The following OLFM2 variants were observed in gnomAD, a reference collection of about 807,000 sequenced individuals.
OLFM2 encodes the protein noelin-2.
A neutral mutation model predicts 43.9 loss-of-function variants in OLFM2; 20 were observed. The observed-to-expected ratio is 0.46, with a 90% CI of 0.32 to 0.66. The LOEUF is 0.66. Among genes scored for constraint, OLFM2 ranks in the 30% least tolerant of loss-of-function variants. The probability of loss-of-function intolerance (pLI) is 0.04; values close to 1 mark genes in which losing one functional copy is unlikely to be tolerated. For synonymous variants in OLFM2, 268 were observed against 278.6 expected, an observed-to-expected ratio of 0.96 and a Z score of 0.38; for missense variants, 416 against 643.6, an observed-to-expected ratio of 0.65 and a Z score of 3.83.
chr19:9,911,310 C>G (rs923893531), intron 1 of OLFM2, among the ~76,000 whole-genome samples: 1 of 152,116 alleles, frequency 6.6e-6, no homozygotes, highest in African/African-American at 2.4e-5. Context: ...ACCCTGAGTA[C>G]CTTAACATCT....
chr19:9,900,660 G>A (rs529168744), intron 1 of OLFM2, among the ~76,000 whole-genome samples: 1 of 151,858 alleles, frequency 6.6e-6, no homozygotes, highest in South Asian at 2.1e-4. Flanking sequence ...GGTGGCTGAG[G>A]CAGGAGGGTC....
chr19:9,898,780 A>G (rs908096928), intron 1 of OLFM2, among the ~76,000 whole-genome samples: 1 of 152,038 alleles, frequency 6.6e-6, no homozygotes, highest in Non-Finnish European at 1.5e-5. Context: ...GCAAGTGCTG[A>G]CGGCTCTGCT....
chr19:9,865,972 A>G (rs552119084), intron 1 of OLFM2, among the ~76,000 whole-genome samples: 70 of 152,268 alleles, frequency 4.6e-4, no homozygotes, highest in African/African-American at 1.6e-3. Flanking sequence ...CGTAATTAAC[A>G]TCTTCCTACA....
Position 9,853,872 on chromosome 19 carries a change from G to C in OLFM2, c.*314C>G. ...GGGAAGCAAGGAGGGAGGGGTGGAA[G>C]GACAGAGAGAGAGAGACAGAGAGAG... On this transcript the variant is annotated 3_prime_UTR_variant, in exon 6 of 6. Transcript: ENST00000264833. 1 of 532,552 alleles carries C rather than the reference G, an allele frequency of 1.9e-6. No individual in the cohort carries two copies. The highest frequency in any genetic ancestry group is 3.3e-6 in the Non-Finnish European group (1 of 305,104). The allele number at this position is 532,552 out of a possible 1,614,324, so 33.0% of individuals were successfully genotyped here.
chr19:9,857,513 C>CA lies in OLFM2; in HGVS notation c.361-32_361-31insT. The CA allele has an allele frequency of 1.2e-6, 2 of 1,608,140 alleles. No homozygotes were observed. The highest frequency in any genetic ancestry group is 1.7e-6 in the Non-Finnish European group (2 of 1,177,078). On this transcript the variant is annotated intron_variant, in intron 3 of 5. Coordinates refer to ENST00000264833, the MANE Select transcript of OLFM2 (RefSeq NM_058164.4). The surrounding 1 kb of genome is among the most constrained non-coding windows in gnomAD (Gnocchi z 5.7). ...CATCAAGATGGAACCATGGCCAAGC[C>CA]TGACCCCTGGCCTTTGACCCAGACA...
rs537612063 is a variant in OLFM2 at position 9,895,785 on chromosome 19, G to A, written c.64-34991C>T. Among the ~76,000 whole-genome samples the A allele has an allele frequency of 2.0e-5, 3 of 152,136 alleles. No individual in the cohort carries two copies. The South Asian group carries it at 6.2e-4, about 32-fold the overall frequency. ...TGAGTAGCTGGGATTACAGGCCCAC[G>A]CCACCACACCTGGCTAATTTTTGTA... On this transcript the variant is annotated intron_variant, in intron 1 of 5. Coordinates refer to ENST00000264833, the MANE Select transcript of OLFM2 (RefSeq NM_058164.4).
At chr19:9,906,436 C>T (rs912234932) in intron 1 of OLFM2, among the ~76,000 whole-genome samples, 2 of 152,078 alleles carry the variant, frequency 1.3e-5, no homozygotes, top group Non-Finnish European at 2.9e-5. Flanking sequence ...GTGTCTCTGG[C>T]CCCTGAGTAT....
Position 9,926,553 on chromosome 19 carries a change from A to AAAAT in OLFM2, c.63+9747_63+9750dup, listed in dbSNP as rs530932117. 1.0e-3 allele frequency among the ~76,000 whole-genome samples: 151 copies of AAAAT among 151,482 alleles called. 2 individuals carry two copies. Among genetic ancestry groups the AAAAT allele is most frequent in the African/African-American group, 2.9e-3 (117 of 40,882 alleles). On this transcript the variant is annotated intron_variant, in intron 1 of 5. Coordinates refer to ENST00000264833, the MANE Select transcript of OLFM2 (RefSeq NM_058164.4). ...GGACAGAGAGCGAGACTCCATCTCA[A>AAAAT]AAATAAATAAATAAATAAATAAATG...
chr19:9,883,163 C>T (rs1418833202), intron 1 of OLFM2, among the ~76,000 whole-genome samples: 2 of 149,944 alleles, frequency 1.3e-5, no homozygotes, highest in African/African-American at 4.9e-5. Context: ...GAGCCGAGAT[C>T]GCACCACTGA....
At chr19:9,874,672 G>A (rs1446674150) in intron 1 of OLFM2, among the ~76,000 whole-genome samples, 1 of 152,026 alleles carries the variant, frequency 6.6e-6, no homozygotes, top group African/African-American at 2.4e-5. Context: ...GTAGAGATGG[G>A]GTTTCACCAT....
intron 1 of OLFM2, among the ~76,000 whole-genome samples, chr19:9,881,298 T>C (rs2145454652): frequency 6.6e-6 from 1 of 152,260 alleles, no homozygotes; most frequent in East Asian, 1.9e-4. Context: ...GGAATCCCTT[T>C]TGAAGGAACT....
chr19:9,868,904 C>G (rs935689372), intron 1 of OLFM2, among the ~76,000 whole-genome samples: 2 of 151,722 alleles, frequency 1.3e-5, no homozygotes, highest in African/African-American at 4.8e-5. Flanking sequence ...CCACTACACT[C>G]CAGCCTGCGT....
intron 1 of OLFM2, among the ~76,000 whole-genome samples, chr19:9,883,036 TAA>T (rs34606062): frequency 0.026 from 3,781 of 145,604 alleles, 133 homozygotes; most frequent in African/African-American, 0.084. Context: ...CCATCTCTAC[TAA>T]AAAAAAAAAA....
chr19:9,867,298 G>T (rs935362525), intron 1 of OLFM2, among the ~76,000 whole-genome samples: 3 of 152,188 alleles, frequency 2.0e-5, no homozygotes, highest in African/African-American at 7.2e-5. Context: ...TTGAACCCAG[G>T]AGGCAGAGGT....
intron 1 of OLFM2, among the ~76,000 whole-genome samples, chr19:9,878,031 T>G (rs1293325073): frequency 6.6e-6 from 1 of 152,014 alleles, no homozygotes; most frequent in African/African-American, 2.4e-5. Flanking sequence ...AAAAAATCTG[T>G]GTAGTCATGG....
Position 9,936,467 on chromosome 19 carries a change from C to T in OLFM2, c.-101G>A, listed in dbSNP as rs1301090019. 1.2e-6 allele frequency: 1 copy of T among 860,652 alleles called. No individual in the cohort carries two copies. The highest frequency in any genetic ancestry group is 1.4e-6 in the Non-Finnish European group (1 of 714,284). The allele number at this position is 860,652 out of a possible 1,614,324, so 53.3% of individuals were successfully genotyped here. ...GACCCCGCCCGCCCGGCCGGGGCGA[C>T]CCTGCGCCGCCGCCTCCCCCGCCTC... On this transcript the variant is annotated 5_prime_UTR_variant, in exon 1 of 6. Coordinates refer to ENST00000264833, the MANE Select transcript of OLFM2 (RefSeq NM_058164.4).
Position 9,912,145 on chromosome 19 carries a change from C to G in OLFM2, c.63+24159G>C, listed in dbSNP as rs553115566. On this transcript the variant is annotated intron_variant, in intron 1 of 5. Coordinates refer to ENST00000264833, the MANE Select transcript of OLFM2 (RefSeq NM_058164.4). The stretch of plus-strand genomic sequence containing the variant: ...ACCGAAACACACACATATAGACACA[C>G]CAGGACATACCCAAATAATAAACAC... Among the ~76,000 whole-genome samples the G allele has an allele frequency of 2.5e-3, 377 of 152,204 alleles. 2 individuals are homozygous for G. Among genetic ancestry groups the G allele is most frequent in the Non-Finnish European group, 4.1e-3 (281 of 68,014 alleles).
intron 1 of OLFM2, among the ~76,000 whole-genome samples, chr19:9,926,556 A>G (rs773054142): frequency 3.2e-4 from 48 of 150,620 alleles, no homozygotes; most frequent in Non-Finnish European, 6.2e-4. Flanking sequence ...CATCTCAAAA[A>G]TAAATAAATA....
intron 1 of OLFM2, among the ~76,000 whole-genome samples, chr19:9,930,073 C>T (rs1599505756): frequency 6.6e-6 from 1 of 152,020 alleles, no homozygotes. Context: ...GAAATCCACA[C>T]ATACCATATG....
Sources: gnomAD v4.1 joint callset for allele counts (sites outside exome capture counted in the v4.1 genomes callset) on GRCh38, gnomAD v4.1.1 for gene constraint, Gnocchi (gnomAD v3.1) non-coding constraint, MANE v1.5 for transcripts, NCBI Gene and HGNC (gene_info 2026-07-23, HGNC 2026-07-21) for gene names.